The following LTB variants were observed in gnomAD, a reference collection of about 807,000 sequenced individuals.
The protein encoded by LTB is lymphotoxin-beta.
A neutral mutation model predicts 14.7 loss-of-function variants in LTB; 17 were observed. The observed-to-expected ratio is 1.16, with a 90% confidence interval of 0.79 to 1.73. The LOEUF (loss-of-function observed/expected upper bound fraction) is 1.73, where lower values mean the gene tolerates loss of function less well. LTB is among the 40% of genes most tolerant of loss of function. The probability of loss-of-function intolerance (pLI) is 0.00; values close to 1 mark genes in which losing one functional copy is unlikely to be tolerated. For missense variants in LTB, 288 were observed against 324.3 expected (o/e 0.89, Z 0.86); for synonymous variants, 163 against 157.3 (o/e 1.04, Z -0.27).
chr6:31,581,053 C>T lies in LTB; in HGVS notation c.391G>A (p.Gly131Ser). ...ACGAGACAGTAGAGGTAATAGAGGC[C>T]GTCCTGCGGGAGCGCCAGCCCCTCG... ...DAEGLALPQD[G>S]LYYLYCLVGY... Residue 131 changes from glycine (G) to serine (S), a missense_variant, in exon 4 of 4, where the codon GGC becomes AGC. This residue lies in a region of LTB where 284 missense variants were observed against 299.2 expected (regional missense o/e 0.95). Coordinates refer to ENST00000429299, the MANE Select transcript of LTB (RefSeq NM_002341.2). 6.2e-7 allele frequency: 1 copy of T among 1,609,032 alleles called. No individual in the cohort carries two copies. The highest frequency in any genetic ancestry group is 1.1e-5 in the South Asian group (1 of 90,544).
chr6:31,582,212 C>A (rs369223933), intron 1 of LTB, 44 bp downstream of exon 1: 1 of 1,603,714 alleles, frequency 6.2e-7, no homozygotes. Context: ...AGCCAAGCAT[C>A]CGCAAGATAC....
chr6:31,582,007 G>T, intron 1 of LTB, 148 bp from the exon 2 acceptor site: 1 of 871,662 alleles, frequency 1.1e-6, no homozygotes, highest in Non-Finnish European at 1.8e-6. Context: ...GAACAAGCAA[G>T]GCATAGGTAC....
rs1409536454 is a variant in LTB at position 31,581,827 on chromosome 6, G to A, written c.195C>T (p.Ala65=). 6.2e-7 allele frequency: 1 copy of A among 1,606,130 alleles called. No individual in the cohort carries two copies. The highest frequency in any genetic ancestry group is 8.5e-7 in the Non-Finnish European group (1 of 1,177,304). ...GTCTGCTCTTACCCAGTCCTTGCTG[G>A]GCCTGTGCCCCGGGGTCGGCCGTCT... The part of the protein sequence containing the change: ...VTETADPGAQ[A]QQGLGFQKLP... Residue 65 remains alanine, a synonymous_variant, in exon 2 of 4, where the codon GCC becomes GCT. Coordinates refer to ENST00000429299, the MANE Select transcript of LTB (RefSeq NM_002341.2).
Position 31,581,047 on chromosome 6 carries a change from A to G in LTB, c.397T>C (p.Tyr133His). 2 of 1,607,408 alleles carry G rather than the reference A, an allele frequency of 1.2e-6. No individual in the cohort carries two copies. Among genetic ancestry groups the G allele is most frequent in the Non-Finnish European group, 8.5e-7 (1 of 1,177,568 alleles). The change falls in exon 4 of 4, where the codon TAT (tyrosine) becomes CAT (histidine). Residue 133 changes from tyrosine (Y) to histidine (H), a missense_variant. Tyr to His is a moderately conservative substitution (Grantham distance 83). Transcript: ENST00000429299. ...EGLALPQDGL[Y>H]YLYCLVGYRG... is the part of the protein sequence containing the mutation. ...TAGCCGACGAGACAGTAGAGGTAAT[A>G]GAGGCCGTCCTGCGGGAGCGCCAGC...
chr6:31,581,755 C>T, intron 2 of LTB, 59 bp downstream of exon 2: 1 of 1,607,848 alleles, frequency 6.2e-7, no homozygotes, highest in Non-Finnish European at 8.5e-7. Context: ...GGGGACGCAG[C>T]AGGGAGCTGG....
intron 1 of LTB, 42 bp downstream of exon 1, chr6:31,582,214 G>C: frequency 6.2e-7 from 1 of 1,603,834 alleles, no homozygotes; most frequent in Non-Finnish European, 8.5e-7. Context: ...CCAAGCATCC[G>C]CAAGATACAA....
Position 31,580,672 on chromosome 6 carries a change from CA to C in LTB, c.*36del. The C allele has an allele frequency of 1.9e-6, 3 of 1,560,552 alleles. No individual in the cohort carries two copies. Among genetic ancestry groups the C allele is most frequent in the Non-Finnish European group, 2.6e-6 (3 of 1,145,542 alleles). Reference sequence around the variant, plus strand: ...ATGGGGTCCTGGGCGTCCGGGCCCCCAATATTCACGCACTCGCACCACGCAC... The same window carrying C: ...ATGGGGTCCTGGGCGTCCGGGCCCCCATATTCACGCACTCGCACCACGCAC... On this transcript the variant is annotated 3_prime_UTR_variant, in exon 4 of 4. Coordinates refer to ENST00000429299, the MANE Select transcript of LTB (RefSeq NM_002341.2). The surrounding 1 kb of genome is among the most constrained non-coding windows in gnomAD (Gnocchi z 6.6).
chr6:31,581,689 T>C (rs531885432), intron 2 of LTB, 59 bp from the exon 3 acceptor site: 6 of 1,599,224 alleles, frequency 3.8e-6, no homozygotes, highest in African/African-American at 1.3e-5. Context: ...CAGGCTACCC[T>C]TGAGAGAACA....
At chr6:31,581,215 G>A in intron 3 of LTB, 52 bp from the exon 4 acceptor site, 3 of 1,472,526 alleles carry the variant, frequency 2.0e-6, no homozygotes, top group Non-Finnish European at 2.7e-6. Flanking sequence ...TAAAGGCTTG[G>A]GACTTCTGGG....
Position 31,580,868 on chromosome 6 carries a change from G to T in LTB, c.576C>A (p.Ala192=), listed in dbSNP as rs748549211. 6.2e-7 allele frequency: 1 copy of T among 1,608,446 alleles called. No individual in the cohort carries two copies. Among genetic ancestry groups the T allele is most frequent in the Non-Finnish European group, 8.5e-7 (1 of 1,178,054 alleles). The change falls in exon 4 of 4, where the codon GCC becomes GCA. Residue 192 remains alanine, a synonymous_variant. Transcript: ENST00000429299. The surrounding 1 kb of genome is among the most constrained non-coding windows in gnomAD (Gnocchi z 6.6). ...AETVTPVLDP[A]RRQGYGPLWY... ...AGAGAGGCCCGTACCCTTGTCTCCT[G>T]GCCGGGTCCAGCACTGGAGTCACCG... is the stretch of plus-strand genomic sequence containing the variant.
chr6:31,580,648 TG>T lies in LTB; in HGVS notation c.*60del. On this transcript the variant is annotated 3_prime_UTR_variant, in exon 4 of 4. Coordinates refer to ENST00000429299, the MANE Select transcript of LTB (RefSeq NM_002341.2). The surrounding 1 kb of genome is among the most constrained non-coding windows in gnomAD (Gnocchi z 6.6). The stretch of plus-strand genomic sequence containing the variant: ...GTCTCCTACATTTTTCCCACTGCCA[TG>T]GGGTCCTGGGCGTCCGGGCCCCCAA... 6.9e-7 allele frequency: 1 copy of T among 1,458,418 alleles called. No homozygotes were observed. The highest frequency in any genetic ancestry group is 9.4e-7 in the Non-Finnish European group (1 of 1,067,442). The allele number at this position is 1,458,418 out of a possible 1,614,324, so 90.3% of individuals were successfully genotyped here.
chr6:31,581,173 C>T lies in LTB; in HGVS notation c.281-10G>A. ...CCCTTCAGCGGAGCGCCTGCGGAGA[C>T]ACGGGCCGACGCGCTCTTGGGAATG... is the stretch of plus-strand genomic sequence containing the variant. On this transcript the variant is annotated splice_polypyrimidine_tract_variant and intron_variant, in intron 3 of 3. Transcript: ENST00000429299. 3.3e-6 allele frequency: 5 copies of T among 1,520,400 alleles called. No individual in the cohort carries two copies. In the South Asian group the frequency reaches 3.9e-5, roughly 12 times the overall value. The allele number at this position is 1,520,400 out of a possible 1,614,324, so 94.2% of individuals were successfully genotyped here.
rs1295190395 is a variant in LTB at position 31,581,007 on chromosome 6, G to T, written c.437C>A (p.Pro146His). 1 of 1,568,524 alleles carries T rather than the reference G, an allele frequency of 6.4e-7. No individual in the cohort carries two copies. Among genetic ancestry groups the T allele is most frequent in the Non-Finnish European group, 8.6e-7 (1 of 1,156,836 alleles). The change falls in exon 4 of 4, where the codon CCC becomes CAC. Residue 146 changes from proline to histidine, a missense_variant. Physicochemically the swap from Pro to His is moderately conservative, Grantham distance 77. Coordinates refer to ENST00000429299, the MANE Select transcript of LTB (RefSeq NM_002341.2). ...GCCCTGGGGGTCCCCGCCGCCAGGG[G>T]GCGCCCGGCCCCGGTAGCCGACGAG... ...YCLVGYRGRAPPGGGDPQGRS... is the reference protein window; with the variant it reads ...YCLVGYRGRAHPGGGDPQGRS...
In LTB at chr6:31,580,948, C is replaced by T. The variant is rs759278792; in HGVS notation, c.496G>A (p.Ala166Thr). Residue 166 changes from alanine (A) to threonine (T), a missense_variant, in exon 4 of 4, where the codon GCG (alanine) becomes ACG (threonine). This residue lies in a region of LTB where 284 missense variants were observed against 299.2 expected (regional missense o/e 0.95). Transcript: ENST00000429299. This position sits in a 1 kb window ranked among gnomAD's most constrained non-coding sequence, Gnocchi z 6.6. ...SVTLRSSLYR[A>T]GGAYGPGTPE... ...GTGCCCGGCCCGTAGGCGCCCCCCG[C>T]CCGGTACAGAGAGCTGCGCAGCGTG... is the stretch of plus-strand genomic sequence containing the variant. 5 of 1,572,874 alleles carry T rather than the reference C, an allele frequency of 3.2e-6. No homozygotes were observed. The highest frequency in any genetic ancestry group is 4.3e-6 in the Non-Finnish European group (5 of 1,160,164).
At chr6:31,582,145 G>T in intron 1 of LTB, 111 bp downstream of exon 1, 1 of 1,294,844 alleles carries the variant, frequency 7.7e-7, no homozygotes, top group Non-Finnish European at 1.1e-6. Context: ...TCCCCACCAG[G>T]GACAGCCGAG....
Position 31,581,103 on chromosome 6 carries a change from G to A in LTB, c.341C>T (p.Thr114Met). The change falls in exon 4 of 4, where the codon ACG becomes ATG. Residue 114 changes from threonine to methionine, a missense_variant. Physicochemically the swap from Thr to Met is moderately conservative, Grantham distance 81. Around this residue, in one of 2 missense-constraint regions of LTB, gnomAD observed 284 missense variants for 299.2 expected, o/e 0.95. Coordinates refer to ENST00000429299, the MANE Select transcript of LTB (RefSeq NM_002341.2). The part of the protein sequence containing the change: ...WETTKEQAFL[T>M]SGTQFSDAEG... ...GGCGTCCGAGAACTGCGTCCCGCTC[G>A]TCAGAAACGCCTGTTCCTTCGTCGT... 4 of 1,605,060 alleles carry A rather than the reference G, an allele frequency of 2.5e-6. No individual in the cohort carries two copies. Among genetic ancestry groups the A allele is most frequent in the Non-Finnish European group, 3.4e-6 (4 of 1,176,534 alleles).
At position 31,580,877 on chromosome 6, in the gene LTB, C is replaced by A; in HGVS notation, c.567G>T (p.Leu189=). ...LEGAETVTPV[L]DPARRQGYGP... ...CGTACCCTTGTCTCCTGGCCGGGTC[C>A]AGCACTGGAGTCACCGTCTCGGCGC... is the stretch of plus-strand genomic sequence containing the variant. The change falls in exon 4 of 4, where the codon CTG becomes CTT. Residue 189 remains leucine (L), a synonymous_variant. Coordinates refer to ENST00000429299, the MANE Select transcript of LTB (RefSeq NM_002341.2). This position sits in a 1 kb window ranked among gnomAD's most constrained non-coding sequence, Gnocchi z 6.6. 1 of 1,606,548 alleles carries A rather than the reference C, an allele frequency of 6.2e-7. No individual in the cohort carries two copies.
In LTB at chr6:31,581,598, T is replaced by G. The variant is rs555259726; in HGVS notation, c.241A>C (p.Thr81Pro). The G allele has an allele frequency of 6.2e-7, 1 of 1,612,886 alleles. No homozygotes were observed. Among genetic ancestry groups the G allele is most frequent in the East Asian group, 2.2e-5 (1 of 44,882 alleles). ...GCTGGGAGCCCGGGGCTGAGATCTG[T>G]TTCTGGCTCCTCCTCTGGCAGCTTC... Reference protein sequence around the residue: ...FQKLPEEEPETDLSPGLPAAH... With the variant: ...FQKLPEEEPEPDLSPGLPAAH... Residue 81 changes from threonine to proline, a missense_variant, in exon 3 of 4, where the codon ACA becomes CCA. By Grantham distance (38) the Thr-to-Pro change is conservative. Transcript: ENST00000429299.
chr6:31,582,186 A>G (rs2150395937), intron 1 of LTB, 70 bp downstream of exon 1: 1 of 1,576,554 alleles, frequency 6.3e-7, no homozygotes, highest in East Asian at 2.3e-5. Flanking sequence ...AAAAGACCAC[A>G]GGCACAACCA....
Sources: allele counts gnomAD v4.1 joint callset, GRCh38; gene constraint gnomAD v4.1.1; regional missense constraint gnomAD v4.1.1; non-coding constraint Gnocchi (gnomAD v3.1); transcripts MANE v1.5; gene names NCBI Gene and HGNC (gene_info 2026-07-23, HGNC 2026-07-21).